LRRIQ1: variants seen among roughly 807,000 people sequenced by gnomAD.
The protein encoded by LRRIQ1 is leucine rich repeats and IQ motif containing 1.
Under a neutral mutation model 211.9 loss-of-function variants are expected in LRRIQ1, and 210 were observed. The observed-to-expected ratio is 0.99, with a 90% CI of 0.89 to 1.11. The LOEUF is 1.11. Among genes scored for constraint, LRRIQ1 ranks in the 50% most tolerant of loss-of-function variants. The probability of loss-of-function intolerance (pLI) is 0.00; values close to 1 mark genes in which losing one functional copy is unlikely to be tolerated. For missense variants in LRRIQ1, 2,136 were observed against 1,939.5 expected (o/e 1.10, Z -1.90); for synonymous variants, 699 against 650.1 (o/e 1.08, Z -1.14).
chr12:85,210,146 A>G (rs1893767890), intron 24 of LRRIQ1, among the ~76,000 whole-genome samples: 1 of 152,196 alleles, frequency 6.6e-6, no homozygotes, highest in Admixed American at 6.5e-5. Context: ...AATTTATTCA[A>G]ATATTAAATT....
chr12:85,126,431 A>G (rs1888374853), intron 17 of LRRIQ1, among the ~76,000 whole-genome samples: 1 of 152,100 alleles, frequency 6.6e-6, no homozygotes, highest in African/African-American at 2.4e-5. Context: ...TTCTTTTATC[A>G]CCCAAAGTGC....
chr12:85,243,618 A>G (rs922565048), intron 26 of LRRIQ1, among the ~76,000 whole-genome samples: 1 of 151,250 alleles, frequency 6.6e-6, no homozygotes, highest in Non-Finnish European at 1.5e-5. Context: ...GTGTATATAT[A>G]TATTTTAAAA....
At chr12:85,223,217 C>T (rs566914401) in intron 24 of LRRIQ1, among the ~76,000 whole-genome samples, 193 of 152,152 alleles carry the variant, frequency 1.3e-3, no homozygotes, top group Non-Finnish European at 1.1e-3. Flanking sequence ...AGAAACTATG[C>T]CAATCAGGTT....
intron 25 of LRRIQ1, among the ~76,000 whole-genome samples, 192 bp downstream of exon 25, chr12:85,229,841 G>A (rs1257490869): frequency 6.6e-6 from 1 of 152,020 alleles, no homozygotes; most frequent in South Asian, 2.1e-4. Context: ...TGAAATGTTT[G>A]GGAACAACTC....
intron 24 of LRRIQ1, among the ~76,000 whole-genome samples, chr12:85,190,441 TTTAATA>T (rs911427724): frequency 2.7e-5 from 4 of 147,486 alleles, no homozygotes; most frequent in African/African-American, 9.8e-5. Context: ...TATCAAATAG[TTTAATA>T]TTAATATAAA....
chr12:85,049,532 C>G (rs1487400825), intron 6 of LRRIQ1, among the ~76,000 whole-genome samples: 1 of 152,104 alleles, frequency 6.6e-6, no homozygotes, highest in Non-Finnish European at 1.5e-5. Context: ...CTATCATCTT[C>G]CTCCTTTTTT....
intron 15 of LRRIQ1, among the ~76,000 whole-genome samples, chr12:85,113,435 T>C (rs1887329209): frequency 6.6e-6 from 1 of 152,122 alleles, no homozygotes; most frequent in African/African-American, 2.4e-5. Flanking sequence ...AAGGATATAA[T>C]CTAAAACAGC....
chr12:85,104,748 A>G (rs1414690613), intron 14 of LRRIQ1, among the ~76,000 whole-genome samples: 1 of 151,914 alleles, frequency 6.6e-6, no homozygotes, highest in Non-Finnish European at 1.5e-5. Context: ...CAAAGTTCCT[A>G]TGGTTCTTGT....
intron 24 of LRRIQ1, among the ~76,000 whole-genome samples, chr12:85,189,158 A>T (rs1249226761): frequency 1.3e-5 from 2 of 152,162 alleles, no homozygotes; most frequent in Non-Finnish European, 1.5e-5. Context: ...GAATGCCAAG[A>T]TATGCTCCTG....
At chr12:85,193,508 G>A (rs1892714080) in intron 24 of LRRIQ1, among the ~76,000 whole-genome samples, 2 of 137,468 alleles carry the variant, frequency 1.5e-5, no homozygotes, top group African/African-American at 2.7e-5. Context: ...AGAGAGTGGG[G>A]GCCAATATTC....
chr12:85,118,527 G>C (rs1340053353), intron 15 of LRRIQ1, among the ~76,000 whole-genome samples: 1 of 139,770 alleles, frequency 7.2e-6, no homozygotes, highest in Non-Finnish European at 1.6e-5. Flanking sequence ...CTTTTATAGA[G>C]GAAAATGTAT....
At chr12:85,080,326 A>C (rs971519434) in intron 11 of LRRIQ1, among the ~76,000 whole-genome samples, 1 of 151,908 alleles carries the variant, frequency 6.6e-6, no homozygotes, top group Non-Finnish European at 1.5e-5. Flanking sequence ...TCTGTATTCA[A>C]TGTTGAAAAA....
intron 24 of LRRIQ1, among the ~76,000 whole-genome samples, chr12:85,180,129 A>G (rs1046110725): frequency 1.8e-4 from 27 of 152,100 alleles, no homozygotes; most frequent in Admixed American, 1.2e-3. Flanking sequence ...CATTCAAGCT[A>G]TAAGTTTCCC....
intron 23 of LRRIQ1, among the ~76,000 whole-genome samples, chr12:85,158,513 G>A (rs968236233): frequency 6.6e-6 from 1 of 151,822 alleles, no homozygotes; most frequent in Non-Finnish European, 1.5e-5. Context: ...AATTATAGAA[G>A]TTGAAAAGGG....
At chr12:85,190,434 CA>C (rs1281786959) in intron 24 of LRRIQ1, among the ~76,000 whole-genome samples, 1 of 146,092 alleles carries the variant, frequency 6.8e-6, no homozygotes, top group African/African-American at 2.5e-5. Flanking sequence ...ATAATTATAT[CA>C]AATAGTTTAA....
At chr12:85,236,830 C>CATATATATATATATATAT (rs60371759) in intron 26 of LRRIQ1, among the ~76,000 whole-genome samples, 3,189 of 108,116 alleles carry the variant, frequency 0.029, 166 homozygotes, top group African/African-American at 0.076. Flanking sequence ...TGTATGTGTG[C>CATATATATATATATATAT]ATATATATAT....
chr12:85,138,919 T>C (rs888588202), intron 19 of LRRIQ1, among the ~76,000 whole-genome samples: 1 of 151,526 alleles, frequency 6.6e-6, no homozygotes, highest in African/African-American at 2.4e-5. Context: ...TAGTCTTACG[T>C]AGCAGATGTG....
chr12:85,229,376 T>G (rs1894821519), intron 24 of LRRIQ1, 141 bp from the exon 25 acceptor site: 3 of 595,488 alleles, frequency 5.0e-6, no homozygotes, highest in Non-Finnish European at 8.3e-6. Flanking sequence ...CTTACTGACA[T>G]TAGTTTTCTT....
rs528558445 is a variant in LRRIQ1, at chr12:85,071,645, G to A, written c.2696-1262G>A. On this transcript the variant is annotated intron_variant, in intron 10 of 26. Coordinates refer to ENST00000393217, the MANE Select transcript of LRRIQ1 (RefSeq NM_001079910.2). ...TCATGCTGCTGATAAAGACATAGCC[G>A]AGAATGGGTGATTTATAAAGGAAAG... Among the ~76,000 whole-genome samples the A allele has an allele frequency of 1.4e-4, 22 of 152,098 alleles. No individual in the cohort carries two copies. The South Asian group carries it at 1.7e-3, about 11-fold the overall frequency.
Sources: gnomAD v4.1 joint callset for allele counts (sites outside exome capture counted in the v4.1 genomes callset) on GRCh38, gnomAD v4.1.1 for gene constraint, MANE v1.5 for transcripts, NCBI Gene and HGNC (gene_info 2026-07-23, HGNC 2026-07-21) for gene names.